PTPRM: variants seen among roughly 807,000 people sequenced by gnomAD.
The protein encoded by PTPRM is receptor-type tyrosine-protein phosphatase mu.
PTPRM carries 47 observed loss-of-function variants against 186.7 expected under a neutral mutation model. That is an observed-to-expected ratio of 0.25 (90% CI 0.20 to 0.32). The LOEUF (loss-of-function observed/expected upper bound fraction) is 0.32, where lower values mean the gene tolerates loss of function less well. PTPRM is among the 10% of genes least tolerant of loss of function. PTPRM has a pLI of 1.00. For missense variants in PTPRM, 1,494 were observed against 1,865.0 expected (o/e 0.80, Z 3.66); for synonymous variants, 668 against 674.9 (o/e 0.99, Z 0.16).
intron 2 of PTPRM, among the ~76,000 whole-genome samples, chr18:7,880,591 T>A (rs2048458105): frequency 6.6e-6 from 1 of 152,208 alleles, no homozygotes; most frequent in African/African-American, 2.4e-5. Context: ...AGACTGTGGT[T>A]TCATCAGACT....
chr18:8,349,115 G>A (rs574971805), intron 23 of PTPRM, among the ~76,000 whole-genome samples: 2 of 152,268 alleles, frequency 1.3e-5, no homozygotes, highest in South Asian at 4.1e-4. Flanking sequence ...TCACATACAA[G>A]GAAGGTATAT....
intron 7 of PTPRM, among the ~76,000 whole-genome samples, chr18:8,008,801 C>T (rs142068969): frequency 2.0e-5 from 3 of 152,266 alleles, no homozygotes; most frequent in African/African-American, 7.2e-5. Context: ...CCTCCAGACG[C>T]CATCATTTTG....
intron 7 of PTPRM, among the ~76,000 whole-genome samples, chr18:8,002,051 T>G (rs1357079297): frequency 2.6e-5 from 4 of 152,172 alleles, no homozygotes; most frequent in Non-Finnish European, 5.9e-5. Flanking sequence ...TTTTGGCCAT[T>G]AGAGGACCAC....
chr18:8,401,513 GC>G (rs1454474809), intron 32 of PTPRM, among the ~76,000 whole-genome samples: 1 of 152,196 alleles, frequency 6.6e-6, no homozygotes, highest in Non-Finnish European at 1.5e-5. Flanking sequence ...AATTTTTCCA[GC>G]CCGAAGGATC....
rs775190515 is a variant in PTPRM at position 8,319,234 on chromosome 18, G to A, written c.2956+20G>A. On this transcript the variant is annotated intron_variant, in intron 22 of 32. Transcript: ENST00000580170. ...CCCAAGGTAAGTTTATTTCTACTTT[G>A]TTGTCTTTCTTTGTTTCTTTTGCCC... 5 of 1,542,746 alleles carry A rather than the reference G, an allele frequency of 3.2e-6. No homozygotes were observed. The African/African-American group carries it at 5.5e-5, about 17-fold the overall frequency.
chr18:7,650,619 A>G (rs2038677460), intron 1 of PTPRM, among the ~76,000 whole-genome samples: 1 of 152,144 alleles, frequency 6.6e-6, no homozygotes, highest in African/African-American at 2.4e-5. Context: ...AACCCTATAC[A>G]TTCTTATTCC....
chr18:8,277,432 T>G (rs929120906), intron 19 of PTPRM, among the ~76,000 whole-genome samples: 2 of 152,190 alleles, frequency 1.3e-5, no homozygotes, highest in Non-Finnish European at 2.9e-5. Flanking sequence ...GAGTTAGCAC[T>G]GGAGAGGCAC....
intron 9 of PTPRM, among the ~76,000 whole-genome samples, chr18:8,079,746 A>C (rs909514942): frequency 6.6e-6 from 1 of 152,050 alleles, no homozygotes; most frequent in Non-Finnish European, 1.5e-5. Flanking sequence ...TTGATATAAA[A>C]CTCAGCAGTC....
chr18:8,035,145 C>G (rs1047149169), intron 7 of PTPRM, among the ~76,000 whole-genome samples: 5 of 152,192 alleles, frequency 3.3e-5, no homozygotes, highest in Non-Finnish European at 7.3e-5. Flanking sequence ...TCCAAACTAT[C>G]AAATGCTGAT....
intron 7 of PTPRM, among the ~76,000 whole-genome samples, chr18:8,015,663 G>A (rs565800554): frequency 6.6e-6 from 1 of 152,258 alleles, no homozygotes; most frequent in African/African-American, 2.4e-5. Context: ...TGACAAGAAT[G>A]GTTAAATACT....
intron 1 of PTPRM, among the ~76,000 whole-genome samples, chr18:7,710,326 G>A (rs773971092): frequency 3.9e-5 from 6 of 152,094 alleles, no homozygotes; most frequent in Non-Finnish European, 8.8e-5. Context: ...TGTAGAAAAA[G>A]CATTTGACAA....
rs978292540 is a variant in PTPRM at position 8,172,016 on chromosome 18, C to T, written c.2300+28237C>T. ...CTCGAAGTACAGTTTCTACTGAATG[C>T]GGATAGCTTTAGCACCATTGTAAAG... is the stretch of plus-strand genomic sequence containing the variant. On this transcript the variant is annotated intron_variant, in intron 14 of 32. Transcript: ENST00000580170. Among the ~76,000 whole-genome samples the T allele has an allele frequency of 2.8e-4, 43 of 152,134 alleles. 1 individual carries two copies. Among genetic ancestry groups the T allele is most frequent in the Admixed American group, 6.6e-5 (1 of 15,260 alleles).
At chr18:7,717,721 T>C (rs961444750) in intron 1 of PTPRM, among the ~76,000 whole-genome samples, 1 of 152,240 alleles carries the variant, frequency 6.6e-6, no homozygotes, top group African/African-American at 2.4e-5. Flanking sequence ...CAGGCAATCC[T>C]GCCTGGATGC....
At chr18:8,378,117 C>T (rs2095708258) in intron 26 of PTPRM, 148 bp from the exon 27 acceptor site, 1 of 742,648 alleles carries the variant, frequency 1.3e-6, no homozygotes, top group Non-Finnish European at 2.2e-6. Context: ...CATTGCACCC[C>T]AGTCTCCTAG....
intron 1 of PTPRM, among the ~76,000 whole-genome samples, chr18:7,653,458 C>T (rs985670326): frequency 1.9e-4 from 29 of 152,118 alleles, no homozygotes; most frequent in African/African-American, 6.5e-4. Flanking sequence ...CTGATCCTCT[C>T]CCTCCTCCCA....
At chr18:7,862,588 G>A (rs928865234) in intron 2 of PTPRM, among the ~76,000 whole-genome samples, 18 of 152,180 alleles carry the variant, frequency 1.2e-4, no homozygotes, top group African/African-American at 3.9e-4. Context: ...GTGAATGGAG[G>A]CACAAGGAGA....
intron 1 of PTPRM, among the ~76,000 whole-genome samples, chr18:7,730,985 C>T (rs536979636): frequency 6.6e-6 from 1 of 152,180 alleles, no homozygotes; most frequent in Non-Finnish European, 1.5e-5. Flanking sequence ...ACAGACTCTG[C>T]CTGGAAATTC....
At chr18:7,917,308 C>T (rs1416607891) in intron 4 of PTPRM, among the ~76,000 whole-genome samples, 4 of 152,120 alleles carry the variant, frequency 2.6e-5, no homozygotes, top group East Asian at 3.9e-4. Context: ...CCAAGGCAGG[C>T]GGATCACGAG....
chr18:7,778,257 A>G (rs1035799138), intron 2 of PTPRM, among the ~76,000 whole-genome samples: 3 of 152,168 alleles, frequency 2.0e-5, no homozygotes, highest in Admixed American at 1.3e-4. Flanking sequence ...TTTAGGGGGA[A>G]TAAATACTAA....
Sources: allele counts gnomAD v4.1 joint callset (sites outside exome capture counted in the v4.1 genomes callset), GRCh38; gene constraint gnomAD v4.1.1; transcripts MANE v1.5; gene names NCBI Gene and HGNC (gene_info 2026-07-23, HGNC 2026-07-21).